RPS6KB1: variants seen among roughly 807,000 people sequenced by gnomAD.
RPS6KB1 encodes ribosomal protein S6 kinase beta-1.
RPS6KB1 carries 12 observed loss-of-function variants against 70.2 expected under a neutral mutation model. The observed-to-expected ratio is 0.17, with a 90% CI of 0.11 to 0.28. The LOEUF (loss-of-function observed/expected upper bound fraction) is 0.28, where lower values mean the gene tolerates loss of function less well. Ranked by LOEUF, RPS6KB1 falls within the 10% of genes least tolerant of loss-of-function variation. RPS6KB1 has a pLI of 1.00. For missense variants in RPS6KB1, 270 were observed against 646.6 expected (o/e 0.42, Z 6.32); for synonymous variants, 175 against 211.2 (o/e 0.83, Z 1.49).
chr17:59,901,996 A>AATG (rs1189656680), intron 1 of RPS6KB1, among the ~76,000 whole-genome samples: 1 of 149,306 alleles, frequency 6.7e-6, no homozygotes, highest in Non-Finnish European at 1.5e-5. Context: ...TGCGCAACAG[A>AATG]ATGAGAACCT....
chr17:59,907,095 A>G (rs1023281432), intron 1 of RPS6KB1: 5 of 149,542 alleles, frequency 3.3e-5, no homozygotes, highest in African/African-American at 9.9e-5. Context: ...GCTCCGCCTC[A>G]CGGGTTCACG....
chr17:59,937,267 T>C (rs993161550), intron 12 of RPS6KB1, among the ~76,000 whole-genome samples: 1 of 152,220 alleles, frequency 6.6e-6, no homozygotes, highest in Admixed American at 6.5e-5. Context: ...TTTCAGGTAG[T>C]TGGGACTTTC....
intron 10 of RPS6KB1, among the ~76,000 whole-genome samples, chr17:59,935,920 T>C (rs2044202484): frequency 6.6e-6 from 1 of 152,120 alleles, no homozygotes; most frequent in Non-Finnish European, 1.5e-5. Flanking sequence ...CAAGTGATTC[T>C]CCTGCCTCAG....
intron 1 of RPS6KB1, among the ~76,000 whole-genome samples, chr17:59,894,500 C>G (rs1234638639): frequency 6.6e-6 from 1 of 152,212 alleles, no homozygotes. Flanking sequence ...TTTTTCTCCT[C>G]TGGCACCTGC....
intron 13 of RPS6KB1, among the ~76,000 whole-genome samples, chr17:59,943,128 G>A (rs1399371060): frequency 6.6e-6 from 1 of 152,116 alleles, no homozygotes; most frequent in African/African-American, 2.4e-5. Context: ...TAGTCTTACA[G>A]TATTACATAA....
intron 12 of RPS6KB1, 65 bp from the exon 13 acceptor site, chr17:59,940,769 TAC>T: frequency 2.1e-6 from 2 of 944,958 alleles, no homozygotes; most frequent in East Asian, 5.2e-5. Flanking sequence ...TCCCAGAGCT[TAC>T]AGTGCATTTG....
intron 13 of RPS6KB1, 93 bp downstream of exon 13, chr17:59,941,036 G>A (rs761409824): frequency 7.9e-4 from 553 of 696,490 alleles, no homozygotes; most frequent in Non-Finnish European, 1.1e-3. Context: ...TGCAGTTCAT[G>A]TAGGTAACCT....
chr17:59,936,312 G>C (rs1307186702), intron 11 of RPS6KB1, 35 bp downstream of exon 11: 4 of 1,567,820 alleles, frequency 2.6e-6, no homozygotes, highest in Non-Finnish European at 3.5e-6. Flanking sequence ...TTGTGGGGAA[G>C]ATAATGCTAG....
intron 4 of RPS6KB1, among the ~76,000 whole-genome samples, chr17:59,919,960 A>G (rs1050171836): frequency 5.9e-5 from 9 of 152,094 alleles, no homozygotes; most frequent in African/African-American, 2.2e-4. Context: ...CTGCTACATC[A>G]TGGACCATTG....
At chr17:59,921,838 C>G (rs979733373) in intron 4 of RPS6KB1, among the ~76,000 whole-genome samples, 2 of 152,190 alleles carry the variant, frequency 1.3e-5, no homozygotes, top group Non-Finnish European at 2.9e-5. Flanking sequence ...TTCTCCACCT[C>G]TGAAATATTG....
intron 10 of RPS6KB1, 61 bp downstream of exon 10, chr17:59,935,361 G>A (rs1157911951): frequency 9.1e-6 from 8 of 874,584 alleles, no homozygotes; most frequent in Non-Finnish European, 1.5e-5. Context: ...TAACTAGATA[G>A]AATTTAATGT....
Position 59,947,819 on chromosome 17 carries a change from T to C in RPS6KB1, c.*1031T>C. 10 of 476,674 alleles carry C rather than the reference T, an allele frequency of 2.1e-5. No individual in the cohort carries two copies. The highest frequency in any genetic ancestry group is 4.5e-5 in the South Asian group (1 of 22,438). 29.5% of individuals were successfully genotyped at this position (476,674 alleles called of 1,614,324 possible). ...GTCGGCAAGGTGAGGGAGATAGGGATATCCAGGGGAAGAGGGTGTTGCTGT... is the reference window on the plus strand; with the variant it reads ...GTCGGCAAGGTGAGGGAGATAGGGACATCCAGGGGAAGAGGGTGTTGCTGT... On this transcript the variant is annotated 3_prime_UTR_variant, in exon 15 of 15. Transcript: ENST00000225577.
At chr17:59,932,571 G>A (rs1407926726) in intron 7 of RPS6KB1, among the ~76,000 whole-genome samples, 1 of 115,408 alleles carries the variant, frequency 8.7e-6, no homozygotes, top group Non-Finnish European at 1.8e-5. Flanking sequence ...TTTTTTTTGA[G>A]ATGGGGGTCT....
chr17:59,934,556 T>C lies in RPS6KB1; in HGVS notation c.870+32T>C, dbSNP rs2044126457. 3 of 1,527,736 alleles carry C rather than the reference T, an allele frequency of 2.0e-6. No individual in the cohort carries two copies. The highest frequency in any genetic ancestry group is 2.2e-5 in the East Asian group (1 of 44,508). The allele number at this position is 1,527,736 out of a possible 1,614,324, so 94.6% of individuals were successfully genotyped here. A position where few individuals can be genotyped will look rare whatever the true frequency, so the allele number is the denominator to read the frequency against. On this transcript the variant is annotated intron_variant, in intron 9 of 14. Coordinates refer to ENST00000225577, the MANE Select transcript of RPS6KB1 (RefSeq NM_003161.4). This position sits in a 1 kb window ranked among gnomAD's most constrained non-coding sequence, Gnocchi z 4.8. Reference sequence around the variant, plus strand: ...GCACAGTTAAAAGCTGCATGTATTATTGGTCTGTGCTGAGTCACTATAGCA... The same window carrying C: ...GCACAGTTAAAAGCTGCATGTATTACTGGTCTGTGCTGAGTCACTATAGCA...
intron 4 of RPS6KB1, among the ~76,000 whole-genome samples, chr17:59,922,727 G>A (rs2043347462): frequency 6.6e-6 from 1 of 151,528 alleles, no homozygotes. Context: ...TGTATTTTTA[G>A]TAGAGATGGG....
Position 59,902,414 on chromosome 17 carries a change from C to T in RPS6KB1, c.142-8148C>T, listed in dbSNP as rs1466834809. On this transcript the variant is annotated intron_variant, in intron 1 of 14. Transcript: ENST00000225577. Reference sequence around the variant, plus strand: ...GCCACAGCATAAAGTTTTTGAAGATCATTTATGTTGTAACATGTATCAGTA... The same window carrying T: ...GCCACAGCATAAAGTTTTTGAAGATTATTTATGTTGTAACATGTATCAGTA... 2.6e-5 allele frequency among the ~76,000 whole-genome samples: 4 copies of T among 151,906 alleles called. 1 individual carries two copies. The highest frequency in any genetic ancestry group is 2.0e-4 in the Admixed American group (3 of 15,212).
At chr17:59,920,948 T>C (rs2043230037) in intron 4 of RPS6KB1, among the ~76,000 whole-genome samples, 1 of 152,186 alleles carries the variant, frequency 6.6e-6, no homozygotes, top group African/African-American at 2.4e-5. Context: ...ACCGCCCACC[T>C]CAGCCCCCTA....
intron 1 of RPS6KB1, among the ~76,000 whole-genome samples, chr17:59,908,351 C>G (rs2042391674): frequency 6.6e-6 from 1 of 151,748 alleles, no homozygotes; most frequent in African/African-American, 2.4e-5. Context: ...CACCACCACG[C>G]CTGGCTAATT....
At chr17:59,926,304 G>A (rs866580443) in intron 4 of RPS6KB1, 131 bp from the exon 5 acceptor site, 2 of 702,756 alleles carry the variant, frequency 2.8e-6, no homozygotes, top group Middle Eastern at 4.1e-4. Context: ...CCCCATCTCA[G>A]TTTCTAGTGG....
Sources: allele counts gnomAD v4.1 joint callset (sites outside exome capture counted in the v4.1 genomes callset), GRCh38; gene constraint gnomAD v4.1.1; non-coding constraint Gnocchi (gnomAD v3.1); transcripts MANE v1.5; gene names NCBI Gene and HGNC (gene_info 2026-07-23, HGNC 2026-07-21).